The following UNKL variants were observed in gnomAD, a reference collection of about 807,000 sequenced individuals.
UNKL encodes the protein putative E3 ubiquitin-protein ligase UNKL.
Under a neutral mutation model 78.0 loss-of-function variants are expected in UNKL, and 60 were observed. The ratio of observed to expected loss-of-function variants is 0.77; its 90% CI spans 0.63 to 0.95. The LOEUF (loss-of-function observed/expected upper bound fraction) is 0.95, where lower values mean the gene tolerates loss of function less well. UNKL is among the 40% of genes least tolerant of loss of function. UNKL has a pLI of 0.00. For synonymous variants in UNKL, 608 were observed against 474.8 expected (o/e 1.28, Z -3.65); for missense variants, 1,159 against 1,045.7 (o/e 1.11, Z -1.49).
rs79335299 is a variant in UNKL, at chr16:1,375,309, G to A, written c.1265-3698C>T. Among the ~76,000 whole-genome samples, 1,233 of 152,338 alleles carry A rather than the reference G, an allele frequency of 8.1e-3. 12 individuals carry two copies. Among genetic ancestry groups the A allele is most frequent in the African/African-American group, 0.027 (1,137 of 41,584 alleles). ...CGTGCTCCACCACCCAGAGCGGCAG[G>A]CGGGAGAGAAGCCTGGCTCGGGAGT... On this transcript the variant is annotated intron_variant, in intron 10 of 14. Transcript: ENST00000389221.
rs529998914 is a variant in UNKL at position 1,366,809 on chromosome 16, CAG to C, written c.2046+281_2046+282del. 1.4e-4 allele frequency among the ~76,000 whole-genome samples: 21 copies of C among 151,646 alleles called. No individual in the cohort carries two copies. In the East Asian group the frequency reaches 3.7e-3, roughly 27 times the overall value. On this transcript the variant is annotated intron_variant, in intron 14 of 14. Coordinates refer to ENST00000389221, the MANE Select transcript of UNKL (RefSeq NM_001372107.1). ...CATGTGTGAGGGTCACAGCTGTGAACAGGGAGGGATGGGGCCACGGGGAGCAG... is the reference window on the plus strand; with the variant it reads ...CATGTGTGAGGGTCACAGCTGTGAACGGAGGGATGGGGCCACGGGGAGCAG...
At position 1,385,379 on chromosome 16, in the gene UNKL, G is replaced by C; in HGVS notation, c.1093C>G (p.Leu365Val). 1 of 1,393,740 alleles carries C rather than the reference G, an allele frequency of 7.2e-7. No individual in the cohort carries two copies. The highest frequency in any genetic ancestry group is 1.5e-5 in the South Asian group (1 of 64,700). The allele number at this position is 1,393,740 out of a possible 1,614,324, so 86.3% of individuals were successfully genotyped here. Residue 365 changes from leucine (L) to valine (V), a missense_variant, in exon 10 of 15, where the codon CTG becomes GTG. Physicochemically the swap from Leu to Val is conservative, Grantham distance 32. Coordinates refer to ENST00000389221, the MANE Select transcript of UNKL (RefSeq NM_001372107.1). Reference protein sequence around the residue: ...GSEQDSKQNHLAVFAAVHPPA... With the variant: ...GSEQDSKQNHVAVFAAVHPPA... ...GGGTGGACCGCTGCAAACACGGCCA[G>C]GTGGTTCTGTTCAAAGACATAAACA...
intron 13 of UNKL, 113 bp downstream of exon 13, chr16:1,367,543 C>T (rs1297746873): frequency 1.2e-6 from 1 of 861,998 alleles, no homozygotes; most frequent in Non-Finnish European, 1.6e-6. Context: ...ACACGCTCAC[C>T]TGAGTCACCT....
At chr16:1,400,789 G>C (rs1267136491) in intron 4 of UNKL, among the ~76,000 whole-genome samples, 6 of 151,982 alleles carry the variant, frequency 3.9e-5, no homozygotes, top group Admixed American at 1.3e-4. Flanking sequence ...CCGAGTTCAA[G>C]AGATTCTCCA....
intron 4 of UNKL, among the ~76,000 whole-genome samples, chr16:1,400,611 C>T (rs952465410): frequency 1.3e-5 from 2 of 151,994 alleles, no homozygotes; most frequent in Admixed American, 6.6e-5. Context: ...AGAGAGGTGG[C>T]AGCTGCACAA....
chr16:1,371,663 A>C, intron 10 of UNKL, 52 bp from the exon 11 acceptor site: 1 of 1,519,994 alleles, frequency 6.6e-7, no homozygotes, highest in Non-Finnish European at 8.8e-7. Flanking sequence ...TGCAGAGCTC[A>C]GGAAGCCTAG....
At position 1,371,522 on chromosome 16, in the gene UNKL, C is replaced by A; in HGVS notation, c.1354G>T (p.Ala452Ser). The A allele has an allele frequency of 1.3e-6, 2 of 1,536,136 alleles. No homozygotes were observed. Among genetic ancestry groups the A allele is most frequent in the Non-Finnish European group, 1.7e-6 (2 of 1,146,848 alleles). The change falls in exon 11 of 15, where the codon GCA becomes TCA. Residue 452 changes from alanine (A) to serine (S), a missense_variant. Ala to Ser is a moderately conservative substitution (Grantham distance 99). Coordinates refer to ENST00000389221, the MANE Select transcript of UNKL (RefSeq NM_001372107.1). ...EEQDGHDLGA[A>S]GPRSLAGSAP... is the part of the protein sequence containing the mutation. ...CCCAGGTCCTCCCCACCCTCACCTG[C>A]TGCTCCCAGGTCGTGGCCGTCTTGC... is the stretch of plus-strand genomic sequence containing the variant.
chr16:1,403,105 G>T lies in UNKL; in HGVS notation c.464+63C>A. On this transcript the variant is annotated intron_variant, in intron 3 of 14. Transcript: ENST00000389221. This position sits in a 1 kb window ranked among gnomAD's most constrained non-coding sequence, Gnocchi z 4.8. Reference sequence around the variant, plus strand: ...GAGGCGAGCCACTTGCCGAGTTCCTGCTCATCCAGCAGAGCCCACAGCAGC... The same window carrying T: ...GAGGCGAGCCACTTGCCGAGTTCCTTCTCATCCAGCAGAGCCCACAGCAGC... The T allele has an allele frequency of 6.5e-7, 1 of 1,528,558 alleles. No individual in the cohort carries two copies. Among genetic ancestry groups the T allele is most frequent in the Non-Finnish European group, 8.8e-7 (1 of 1,137,684 alleles). 94.7% of individuals were successfully genotyped at this position (1,528,558 alleles called of 1,614,324 possible).
At chr16:1,397,096 G>A in intron 6 of UNKL, 82 bp downstream of exon 6, 1 of 1,433,306 alleles carries the variant, frequency 7.0e-7, no homozygotes, top group Non-Finnish European at 9.5e-7. Flanking sequence ...TGTTCCTTCT[G>A]TGTGATAACC....
At chr16:1,396,770 T>C (rs911781393) in intron 6 of UNKL, among the ~76,000 whole-genome samples, 3 of 152,020 alleles carry the variant, frequency 2.0e-5, no homozygotes, top group Admixed American at 1.3e-4. Context: ...ATTTTTTGCA[T>C]TTTTAGTAGA....
At chr16:1,382,948 ACT>A (rs1399856368) in intron 10 of UNKL, among the ~76,000 whole-genome samples, 19 of 148,666 alleles carry the variant, frequency 1.3e-4, no homozygotes, top group African/African-American at 4.3e-4. Context: ...ACAGAGCGAG[ACT>A]CTGTCTCAAA....
Position 1,363,437 on chromosome 16 carries a change from A to C in UNKL, c.*2803T>G. 4 of 351,782 alleles carry C rather than the reference A, an allele frequency of 1.1e-5. No individual in the cohort carries two copies. The highest frequency in any genetic ancestry group is 1.7e-5 in the Non-Finnish European group (3 of 181,514). 21.8% of individuals were successfully genotyped at this position (351,782 alleles called of 1,614,324 possible). Reference sequence around the variant, plus strand: ...GATTGAGGCTTCCAGAAATTAATCCACTTGAGGCGTCCACGCGGAACAAGG... The same window carrying C: ...GATTGAGGCTTCCAGAAATTAATCCCCTTGAGGCGTCCACGCGGAACAAGG... On this transcript the variant is annotated 3_prime_UTR_variant, in exon 15 of 15. Coordinates refer to ENST00000389221, the MANE Select transcript of UNKL (RefSeq NM_001372107.1).
At chr16:1,408,559 A>C (rs571973711) in intron 2 of UNKL, 2 of 155,288 alleles carry the variant, frequency 1.3e-5, no homozygotes, top group African/African-American at 4.8e-5. Flanking sequence ...CTGGGGAGCC[A>C]TAGGATGAGG....
At position 1,403,430 on chromosome 16, in the gene UNKL, G is replaced by A. The variant is rs896161365; in HGVS notation, c.288-86C>T. On this transcript the variant is annotated intron_variant, in intron 2 of 14. Transcript: ENST00000389221. This position sits in a 1 kb window ranked among gnomAD's most constrained non-coding sequence, Gnocchi z 4.8. ...CCCTGGGTCCACGCCCTGTCAGCAC[G>A]TGGCAAGCAGTGAATTCCCTTCCCT... The A allele has an allele frequency of 1.5e-5, 21 of 1,434,696 alleles. No individual in the cohort carries two copies. The highest frequency in any genetic ancestry group is 4.3e-5 in the African/African-American group (3 of 70,530). The allele number at this position is 1,434,696 out of a possible 1,614,324, so 88.9% of individuals were successfully genotyped here.
chr16:1,404,622 A>G (rs2037667515), intron 2 of UNKL, among the ~76,000 whole-genome samples: 1 of 152,190 alleles, frequency 6.6e-6, no homozygotes, highest in Middle Eastern at 3.2e-3. Flanking sequence ...GTACACATCC[A>G]AAAAACCTGG....
intron 9 of UNKL, among the ~76,000 whole-genome samples, chr16:1,385,897 G>T (rs926748774): frequency 6.6e-6 from 1 of 152,250 alleles, no homozygotes; most frequent in African/African-American, 2.4e-5. Flanking sequence ...CCATAGCGTG[G>T]TCCTGTGACC....
chr16:1,380,357 G>A (rs544653010), intron 10 of UNKL, among the ~76,000 whole-genome samples: 1 of 152,270 alleles, frequency 6.6e-6, no homozygotes, highest in East Asian at 1.9e-4. Flanking sequence ...AAATACACAC[G>A]CAGCCAGGCG....
At chr16:1,401,438 C>A in intron 4 of UNKL, 130 bp downstream of exon 4, 1 of 1,234,998 alleles carries the variant, frequency 8.1e-7, no homozygotes, top group Non-Finnish European at 1.0e-6. Flanking sequence ...TTGGACTCCA[C>A]GAGCCTCGGT....
At chr16:1,390,537 C>G (rs2037004031) in intron 9 of UNKL, 95 bp downstream of exon 9, 2 of 1,358,154 alleles carry the variant, frequency 1.5e-6, no homozygotes, top group Non-Finnish European at 2.0e-6. Flanking sequence ...ATGAGCGCTG[C>G]CCTAACGCGA....
Sources: gnomAD v4.1 joint callset for allele counts (sites outside exome capture counted in the v4.1 genomes callset) on GRCh38, gnomAD v4.1.1 for gene constraint, Gnocchi (gnomAD v3.1) non-coding constraint, MANE v1.5 for transcripts, NCBI Gene and HGNC (gene_info 2026-07-23, HGNC 2026-07-21) for gene names.